The following GABBR2 variants were observed in gnomAD, a reference collection of about 807,000 sequenced individuals.
GABBR2 encodes the protein G-protein coupled receptor 51.
Under a neutral mutation model 105.6 loss-of-function variants are expected in GABBR2, and 23 were observed. The observed-to-expected ratio is 0.22, with a 90% CI of 0.16 to 0.31. The LOEUF is 0.31. Ranked by LOEUF, GABBR2 falls within the 10% of genes least tolerant of loss-of-function variation. The pLI is 1.00. For synonymous variants in GABBR2, 478 were observed against 499.7 expected, an observed-to-expected ratio of 0.96 and a Z score of 0.58; for missense variants, 734 against 1,245.5, an observed-to-expected ratio of 0.59 and a Z score of 6.18.
At position 98,708,215 on chromosome 9, in the gene GABBR2, G is replaced by A. The variant is rs1830926776; in HGVS notation, c.321+202C>T. ...ATACACACATAAGACCAGAGGAGGG[G>A]GTGCTTGGCAAATGTTACCAGCTGT... On this transcript the variant is annotated intron_variant, in intron 1 of 18. Transcript: ENST00000259455. 1.3e-5 allele frequency among the ~76,000 whole-genome samples: 2 copies of A among 152,196 alleles called. 1 individual carries two copies. The highest frequency in any genetic ancestry group is 4.1e-4 in the South Asian group (2 of 4,822).
intron 1 of GABBR2, among the ~76,000 whole-genome samples, chr9:98,679,638 A>G (rs1451332885): frequency 6.6e-6 from 1 of 152,188 alleles, no homozygotes; most frequent in Non-Finnish European, 1.5e-5. Context: ...CAGGAAGGCC[A>G]TTCTCACCTT....
intron 18 of GABBR2, among the ~76,000 whole-genome samples, chr9:98,293,454 C>T (rs1830332554): frequency 6.6e-6 from 1 of 152,196 alleles, no homozygotes; most frequent in South Asian, 2.1e-4. Context: ...TCTCAGTAAA[C>T]TGTTAAGTAA....
rs1479121727 is a variant in GABBR2 at position 98,609,996 on chromosome 9, G to T, written c.322-31924C>A. Among the ~76,000 whole-genome samples the T allele has an allele frequency of 2.0e-5, 3 of 152,356 alleles. No individual in the cohort carries two copies. The East Asian group carries it at 5.8e-4, about 29-fold the overall frequency. On this transcript the variant is annotated intron_variant, in intron 1 of 18. Coordinates refer to ENST00000259455, the MANE Select transcript of GABBR2 (RefSeq NM_005458.8). ...CACGGAGGCTGCACTTGGCAATGAA[G>T]GGGACACAGAAGCACGTGGATGTCA...
intron 1 of GABBR2, among the ~76,000 whole-genome samples, chr9:98,664,606 C>G (rs1406135612): frequency 3.3e-5 from 5 of 152,226 alleles, no homozygotes; most frequent in Admixed American, 6.5e-5. Context: ...CAGTAACAGT[C>G]TGAAGGGCCT....
At chr9:98,467,114 C>T (rs2808553) in intron 6 of GABBR2, among the ~76,000 whole-genome samples, 78,192 of 152,044 alleles carry the variant, frequency 0.51, 20,440 homozygotes, top group Non-Finnish European at 0.56. Context: ...CTTGCAATCC[C>T]GGCCATATCT....
At chr9:98,589,638 T>A (rs1356379306) in intron 1 of GABBR2, among the ~76,000 whole-genome samples, 1 of 151,976 alleles carries the variant, frequency 6.6e-6, no homozygotes. Context: ...CTCCTATCAT[T>A]CAAGACACTT....
At chr9:98,649,877 T>C (rs1830080947) in intron 1 of GABBR2, among the ~76,000 whole-genome samples, 1 of 152,348 alleles carries the variant, frequency 6.6e-6, no homozygotes, top group South Asian at 2.1e-4. Context: ...TTACCTTGCT[T>C]TATTTCCACT....
chr9:98,686,986 C>T (rs1312920721), intron 1 of GABBR2, among the ~76,000 whole-genome samples: 1 of 152,044 alleles, frequency 6.6e-6, no homozygotes, highest in Non-Finnish European at 1.5e-5. Context: ...CAAAGATCCT[C>T]CCTCGACATA....
At chr9:98,407,239 G>A (rs1213714003) in intron 7 of GABBR2, among the ~76,000 whole-genome samples, 1 of 152,054 alleles carries the variant, frequency 6.6e-6, no homozygotes, top group Non-Finnish European at 1.5e-5. Context: ...CAATACTCTG[G>A]GTTCCACTGA....
intron 4 of GABBR2, among the ~76,000 whole-genome samples, chr9:98,483,583 C>G (rs1186395717): frequency 3.3e-5 from 5 of 152,204 alleles, no homozygotes; most frequent in Admixed American, 6.5e-5. Flanking sequence ...TTCTCATACC[C>G]TGCCTTGGCA....
At chr9:98,695,865 A>G (rs1012797375) in intron 1 of GABBR2, among the ~76,000 whole-genome samples, 1 of 152,164 alleles carries the variant, frequency 6.6e-6, no homozygotes, top group Non-Finnish European at 1.5e-5. Context: ...CAGGCACTGA[A>G]AAACAAACTA....
chr9:98,315,897 T>C (rs951061331), intron 13 of GABBR2, among the ~76,000 whole-genome samples: 5 of 152,204 alleles, frequency 3.3e-5, no homozygotes, highest in African/African-American at 7.2e-5. Context: ...CCAAGCACCA[T>C]GGGGGACTCC....
intron 3 of GABBR2, among the ~76,000 whole-genome samples, chr9:98,522,597 C>T (rs113618763): frequency 0.043 from 6,528 of 152,164 alleles, 492 homozygotes; most frequent in African/African-American, 0.15. Context: ...ACTTAGATAA[C>T]TTGTCATTCA....
At chr9:98,349,349 G>GTTTTTTTTTTTTTTTTTTTTTTTTTT in intron 13 of GABBR2, among the ~76,000 whole-genome samples, 1 of 24,216 alleles carries the variant, frequency 4.1e-5, no homozygotes, top group African/African-American at 1.5e-4. Flanking sequence ...TTGAAGTTTT[G>GTTTTTTTTTTTTTTTTTTTTTTTTTT]TTTTTTTTTT....
At chr9:98,645,506 T>G (rs1830018751) in intron 1 of GABBR2, among the ~76,000 whole-genome samples, 1 of 152,172 alleles carries the variant, frequency 6.6e-6, no homozygotes, top group South Asian at 2.1e-4. Flanking sequence ...ACCTTCAGCC[T>G]TTCCTCTCTC....
intron 5 of GABBR2, among the ~76,000 whole-genome samples, chr9:98,475,907 T>A (rs896678911): frequency 6.6e-6 from 1 of 151,970 alleles, no homozygotes; most frequent in Non-Finnish European, 1.5e-5. Flanking sequence ...TACTAAAAAA[T>A]ACAAAAATTA....
chr9:98,613,298 G>A (rs1829532935), intron 1 of GABBR2, among the ~76,000 whole-genome samples: 1 of 152,122 alleles, frequency 6.6e-6, no homozygotes, highest in South Asian at 2.1e-4. Flanking sequence ...AATTTAGCCA[G>A]GCATGGTGGT....
chr9:98,519,506 C>T lies in GABBR2; in HGVS notation c.630+22367G>A, dbSNP rs117428239. 1.1e-4 allele frequency among the ~76,000 whole-genome samples: 17 copies of T among 152,334 alleles called. No individual in the cohort carries two copies. In the East Asian group the frequency reaches 3.3e-3, roughly 29 times the overall value. On this transcript the variant is annotated intron_variant, in intron 3 of 18. Transcript: ENST00000259455. ...ACTGAGTGCCTGTCATATGTGGAGC[C>T]CTCAAACGTATATCACTCCTTGCGG...
intron 9 of GABBR2, among the ~76,000 whole-genome samples, chr9:98,389,472 C>A (rs1335721554): frequency 6.6e-6 from 1 of 152,204 alleles, no homozygotes; most frequent in African/African-American, 2.4e-5. Flanking sequence ...CCTGTTGGTT[C>A]CATGGTGACA....
Sources: gnomAD v4.1 joint callset for allele counts (sites outside exome capture counted in the v4.1 genomes callset) on GRCh38, gnomAD v4.1.1 for gene constraint, MANE v1.5 for transcripts, NCBI Gene and HGNC (gene_info 2026-07-23, HGNC 2026-07-21) for gene names.